The following PCDH15 variants were observed in gnomAD, a reference collection of about 807,000 sequenced individuals.
PCDH15 encodes the protein protocadherin-15.
In PCDH15, 129 loss-of-function variants were observed where a neutral mutation model predicts 178.5. The ratio of observed to expected loss-of-function variants is 0.72; its 90% CI spans 0.63 to 0.84. PCDH15 has a LOEUF of 0.84. Ranked by LOEUF, PCDH15 falls within the 40% of genes least tolerant of loss-of-function variation. The pLI is 0.00. For synonymous variants in PCDH15, 800 were observed against 732.0 expected, an observed-to-expected ratio of 1.09 and a Z score of -1.50; for missense variants, 2,230 against 2,099.9, an observed-to-expected ratio of 1.06 and a Z score of -1.21.
intron 1 of PCDH15, among the ~76,000 whole-genome samples, chr10:55,207,001 C>A (rs1172855584): frequency 6.6e-6 from 1 of 151,890 alleles, no homozygotes; most frequent in African/African-American, 2.4e-5. Flanking sequence ...CTTTCTCTTT[C>A]TCTTTGTTTC....
chr10:53,932,757 G>C (rs1343022337), intron 25 of PCDH15, among the ~76,000 whole-genome samples: 4 of 152,156 alleles, frequency 2.6e-5, no homozygotes, highest in African/African-American at 9.7e-5. Context: ...GATGGTTTTG[G>C]TCTAGGTTCT....
chr10:54,995,934 G>C lies in PCDH15; in HGVS notation c.-79-98434C>G, dbSNP rs188841944. Reference sequence around the variant, plus strand: ...TTATATAAATCCCTAATTTCAGTTGGTTGAAGAGATGGATTTGAGACTCAT... The same window carrying C: ...TTATATAAATCCCTAATTTCAGTTGCTTGAAGAGATGGATTTGAGACTCAT... On this transcript the variant is annotated intron_variant, in intron 2 of 5. Coordinates refer to the PCDH15 transcript ENST00000458638. 2.6e-5 allele frequency among the ~76,000 whole-genome samples: 4 copies of C among 152,088 alleles called. No individual in the cohort carries two copies. In the East Asian group the frequency reaches 7.8e-4, roughly 30 times the overall value.
At chr10:55,200,407 A>G (rs768721749) in intron 1 of PCDH15, among the ~76,000 whole-genome samples, 9 of 152,106 alleles carry the variant, frequency 5.9e-5, no homozygotes, top group Non-Finnish European at 1.3e-4. Context: ...CATTTACCCA[A>G]TGCCTGTAGC....
intron 2 of PCDH15, among the ~76,000 whole-genome samples, chr10:55,464,314 T>A (rs1347490082): frequency 1.3e-5 from 2 of 152,036 alleles, no homozygotes; most frequent in African/African-American, 4.8e-5. Context: ...GACTAACCAT[T>A]TTTTTTCCTC....
chr10:53,825,467 A>T (rs547555320), intron 32 of PCDH15, among the ~76,000 whole-genome samples: 1 of 151,772 alleles, frequency 6.6e-6, no homozygotes, highest in South Asian at 2.1e-4. Context: ...TTTAAATGAG[A>T]GTTTAAAAAT....
chr10:54,349,771 T>C (rs1435574460), intron 5 of PCDH15, among the ~76,000 whole-genome samples: 2 of 152,216 alleles, frequency 1.3e-5, no homozygotes, highest in Admixed American at 1.3e-4. Context: ...CTACCAAAGA[T>C]TGATAATAGA....
intron 2 of PCDH15, among the ~76,000 whole-genome samples, chr10:54,655,286 G>GAGAC (rs2094364793): frequency 7.9e-6 from 1 of 127,160 alleles, no homozygotes; most frequent in African/African-American, 2.9e-5. Context: ...GAGAGAGAGA[G>GAGAC]AGAGAGAGAG....
At position 53,809,535 on chromosome 10, in the gene PCDH15, C is replaced by A. The variant is rs2075790603; in HGVS notation, c.4671+1021G>T. 2 of 1,607,882 alleles carry A rather than the reference C, an allele frequency of 1.2e-6. No individual in the cohort carries two copies. Among genetic ancestry groups the A allele is most frequent in the Middle Eastern group, 1.7e-4 (1 of 6,010 alleles). ...TTTCAACCTTTGGTTTTTTAATTTTCTTTGGCTCTTCCTGAAAATTGTGAA... is the reference window on the plus strand; with the variant it reads ...TTTCAACCTTTGGTTTTTTAATTTTATTTGGCTCTTCCTGAAAATTGTGAA... On this transcript the variant is annotated intron_variant, in intron 37 of 37. Transcript: ENST00000644397.
chr10:54,939,016 T>C (rs1837984552), intron 2 of PCDH15, among the ~76,000 whole-genome samples: 2 of 152,192 alleles, frequency 1.3e-5, no homozygotes, highest in African/African-American at 4.8e-5. Flanking sequence ...TTTTGAGAAC[T>C]GTGACAGTTT....
Position 55,212,858 on chromosome 10 carries a change from C to T in PCDH15, c.-155-46207G>A, listed in dbSNP as rs574618724. ...GTCCTACTTTCTATTCAAAATCTAT[C>T]AAATAATTTTTTTCCTAAAATAAAT... On this transcript the variant is annotated intron_variant, in intron 1 of 5. Coordinates refer to the PCDH15 transcript ENST00000458638. Among the ~76,000 whole-genome samples, 4 of 152,150 alleles carry T rather than the reference C, an allele frequency of 2.6e-5. No homozygotes were observed. The South Asian group carries it at 8.3e-4, about 32-fold the overall frequency.
intron 2 of PCDH15, among the ~76,000 whole-genome samples, chr10:55,535,810 A>G (rs552514410): frequency 3.3e-5 from 5 of 152,086 alleles, no homozygotes; most frequent in Admixed American, 1.3e-4. Flanking sequence ...TGCCAAATTA[A>G]TATCTGTTTC....
At chr10:53,824,125 T>G (rs568475387) in intron 32 of PCDH15, among the ~76,000 whole-genome samples, 2 of 135,392 alleles carry the variant, frequency 1.5e-5, no homozygotes, top group East Asian at 4.7e-4. Flanking sequence ...AAAACTCACC[T>G]TAACAAAAAG....
chr10:55,385,304 G>C (rs112847140), intron 2 of PCDH15, among the ~76,000 whole-genome samples: 1 of 152,088 alleles, frequency 6.6e-6, no homozygotes, highest in Non-Finnish European at 1.5e-5. Context: ...GAGAGGTCAC[G>C]TGGAAGGACA....
At chr10:54,367,467 GA>G (rs1459655044) in intron 5 of PCDH15, among the ~76,000 whole-genome samples, 1 of 152,030 alleles carries the variant, frequency 6.6e-6, no homozygotes, top group Non-Finnish European at 1.5e-5. Context: ...ATAAATTTCT[GA>G]AAGAAGGATG....
At chr10:54,767,089 G>GAC (rs2133218703) in intron 1 of PCDH15, among the ~76,000 whole-genome samples, 1 of 152,192 alleles carries the variant, frequency 6.6e-6, no homozygotes, top group East Asian at 1.9e-4. Context: ...CAGAATACAT[G>GAC]ACAACATCTT....
chr10:54,999,755 A>C (rs2131928302), intron 2 of PCDH15, among the ~76,000 whole-genome samples: 1 of 152,348 alleles, frequency 6.6e-6, no homozygotes, highest in African/African-American at 2.4e-5. Context: ...TATTTCACGT[A>C]GGTTCTTTTC....
At chr10:54,808,888 C>A (rs1324385789) in intron 3 of PCDH15, among the ~76,000 whole-genome samples, 1 of 151,034 alleles carries the variant, frequency 6.6e-6, no homozygotes, top group Non-Finnish European at 1.5e-5. Context: ...TAACTAAGCT[C>A]AAGTTCATTT....
At chr10:54,897,658 A>G (rs777951314) in intron 2 of PCDH15, among the ~76,000 whole-genome samples, 1 of 152,128 alleles carries the variant, frequency 6.6e-6, no homozygotes, top group Non-Finnish European at 1.5e-5. Flanking sequence ...ATATGTTCTT[A>G]CAGCCAGAAA....
intron 26 of PCDH15, among the ~76,000 whole-genome samples, chr10:53,873,775 G>C (rs2080032572): frequency 6.6e-6 from 1 of 152,200 alleles, no homozygotes; most frequent in African/African-American, 2.4e-5. Flanking sequence ...TACTCAATGT[G>C]ATGTCATTTG....
Sources: gnomAD v4.1 joint callset for allele counts (sites outside exome capture counted in the v4.1 genomes callset) on GRCh38, gnomAD v4.1.1 for gene constraint, MANE v1.5 for transcripts, NCBI Gene and HGNC (gene_info 2026-07-23, HGNC 2026-07-21) for gene names.